The following LRRC63 variants were observed in gnomAD, a reference collection of about 807,000 sequenced individuals.
LRRC63 encodes leucine rich repeat containing 63.
A neutral mutation model predicts 49.5 loss-of-function variants in LRRC63; 40 were observed. The ratio of observed to expected loss-of-function variants is 0.81; its 90% CI spans 0.63 to 1.05. The LOEUF is 1.05. Ranked by LOEUF, LRRC63 falls within the 50% of genes least tolerant of loss-of-function variation. The pLI is 0.00. For missense variants in LRRC63, 636 were observed against 663.1 expected, an observed-to-expected ratio of 0.96 and a Z score of 0.45; for synonymous variants, 191 against 221.1, an observed-to-expected ratio of 0.86 and a Z score of 1.21.
chr13:46,221,542 G>A (rs2046407594), intron 2 of LRRC63, among the ~76,000 whole-genome samples: 1 of 152,154 alleles, frequency 6.6e-6, no homozygotes, highest in East Asian at 1.9e-4. Context: ...CTGAAGACTA[G>A]GACGATGGCA....
chr13:46,276,342 CATT>C (rs2138606198), intron 9 of LRRC63, among the ~76,000 whole-genome samples: 2 of 152,070 alleles, frequency 1.3e-5, no homozygotes, highest in East Asian at 3.9e-4. Context: ...TGGGATCTAT[CATT>C]AGAGTTTTTT....
intron 4 of LRRC63, among the ~76,000 whole-genome samples, chr13:46,232,766 AAT>A (rs2046801562): frequency 1.3e-5 from 2 of 152,184 alleles, no homozygotes; most frequent in South Asian, 4.1e-4. Context: ...ATATCTGAAA[AAT>A]GGTAGAAAGA....
At chr13:46,248,161 T>A (rs1193001894) in intron 6 of LRRC63, among the ~76,000 whole-genome samples, 1 of 151,948 alleles carries the variant, frequency 6.6e-6, no homozygotes, top group Non-Finnish European at 1.5e-5. Flanking sequence ...TCATAAAATG[T>A]TACACTAGAA....
At chr13:46,265,720 G>GC (rs1232532524) in intron 8 of LRRC63, among the ~76,000 whole-genome samples, 1 of 152,200 alleles carries the variant, frequency 6.6e-6, no homozygotes, top group Non-Finnish European at 1.5e-5. Context: ...GCTCTCTGCT[G>GC]CCGGCCCCTA....
intron 8 of LRRC63, among the ~76,000 whole-genome samples, chr13:46,264,657 A>G (rs2047658955): frequency 8.5e-6 from 1 of 117,496 alleles, no homozygotes; most frequent in Non-Finnish European, 1.6e-5. Flanking sequence ...CCCTCCACAG[A>G]AGATGCTTGT....
At chr13:46,222,124 T>A (rs1053053083) in intron 2 of LRRC63, among the ~76,000 whole-genome samples, 2 of 152,238 alleles carry the variant, frequency 1.3e-5, no homozygotes, top group Non-Finnish European at 2.9e-5. Context: ...AGAACATTTT[T>A]AAATATAAGT....
chr13:46,246,925 C>G (rs191240535), intron 6 of LRRC63, among the ~76,000 whole-genome samples: 42 of 151,976 alleles, frequency 2.8e-4, no homozygotes, highest in African/African-American at 8.4e-4. Context: ...TAAAATAAAC[C>G]TTATTTATGT....
chr13:46,262,049 T>A, intron 8 of LRRC63, 57 bp downstream of exon 8: 1 of 526,758 alleles, frequency 1.9e-6, no homozygotes, highest in Non-Finnish European at 3.0e-6. Context: ...TTAATAATGA[T>A]TGTGATAGAG....
At chr13:46,264,372 A>G (rs2047653676) in intron 8 of LRRC63, among the ~76,000 whole-genome samples, 1 of 152,078 alleles carries the variant, frequency 6.6e-6, no homozygotes, top group East Asian at 1.9e-4. Flanking sequence ...TTTACATGTT[A>G]GGTCTCCTAG....
chr13:46,266,904 C>A, exon 9 of LRRC63: 1 of 1,548,154 alleles, frequency 6.5e-7, no homozygotes, highest in South Asian at 1.2e-5. Flanking sequence ...TTTCTTTGTT[C>A]ATTGTCCAAA....
chr13:46,256,437 G>T (rs1159695741), intron 7 of LRRC63, among the ~76,000 whole-genome samples: 1 of 152,186 alleles, frequency 6.6e-6, no homozygotes, highest in South Asian at 2.1e-4. Context: ...GAAGCCAGGA[G>T]GGCAGAAACT....
exon 4 of LRRC63, chr13:46,228,724 C>A (rs778140037): frequency 1.0e-4 from 156 of 1,536,916 alleles, no homozygotes; most frequent in Middle Eastern, 1.7e-4. Context: ...CCCACCAAGA[C>A]CACCTGAAGG....
At chr13:46,270,441 T>G (rs1467889293) in intron 9 of LRRC63, 3 of 792,540 alleles carry the variant, frequency 3.8e-6, no homozygotes, top group Non-Finnish European at 6.9e-6. Context: ...TCGATGGAAG[T>G]GAATGAAAAA....
intron 9 of LRRC63, among the ~76,000 whole-genome samples, chr13:46,273,911 C>CAAAAAAA (rs34967125): frequency 3.0e-5 from 3 of 100,770 alleles, no homozygotes; most frequent in African/African-American, 1.0e-4. Flanking sequence ...GACTCTGTCT[C>CAAAAAAA]AAAAAAAAAA....
intron 5 of LRRC63, among the ~76,000 whole-genome samples, chr13:46,241,474 G>A (rs1346923411): frequency 6.6e-6 from 1 of 151,902 alleles, no homozygotes; most frequent in Non-Finnish European, 1.5e-5. Flanking sequence ...TGACAGATGG[G>A]GTATAATTAA....
At chr13:46,269,829 A>G (rs1470999945) in intron 9 of LRRC63, among the ~76,000 whole-genome samples, 2 of 147,940 alleles carry the variant, frequency 1.4e-5, no homozygotes, top group Non-Finnish European at 3.0e-5. Flanking sequence ...CTATAGATAT[A>G]TATACTATAT....
chr13:46,256,382 C>G (rs1435622405), intron 7 of LRRC63, among the ~76,000 whole-genome samples: 1 of 152,086 alleles, frequency 6.6e-6, no homozygotes, highest in Non-Finnish European at 1.5e-5. Flanking sequence ...GAGGATGAAA[C>G]CAGGAGCACC....
At chr13:46,270,000 A>G (rs182377127) in intron 9 of LRRC63, 265 of 397,908 alleles carry the variant, frequency 6.7e-4, no homozygotes, top group Middle Eastern at 4.7e-3. Context: ...ACTGAACCTT[A>G]TATACATTGT....
At chr13:46,227,603 T>G in exon 3 of LRRC63, 1 of 1,549,936 alleles carries the variant, frequency 6.5e-7, no homozygotes, top group African/African-American at 1.4e-5. Flanking sequence ...TTCCTGATGT[T>G]TTAAGAAATC....
Sources: allele counts gnomAD v4.1 joint callset (sites outside exome capture counted in the v4.1 genomes callset), GRCh38; gene constraint gnomAD v4.1.1; transcripts MANE v1.5; gene names NCBI Gene and HGNC (gene_info 2026-07-23, HGNC 2026-07-21).